FRMD4A: variants seen among roughly 807,000 people sequenced by gnomAD.
The protein encoded by FRMD4A is FERM domain containing 4A.
In FRMD4A, 29 loss-of-function variants were observed where a neutral mutation model predicts 129.1. The ratio of observed to expected loss-of-function variants is 0.22; its 90% CI spans 0.17 to 0.31. The LOEUF is 0.31. FRMD4A is among the 10% of genes least tolerant of loss of function. The pLI is 1.00. For missense variants in FRMD4A, 1,272 were observed against 1,375.8 expected, an observed-to-expected ratio of 0.92 and a Z score of 1.19; for synonymous variants, 634 against 571.6, an observed-to-expected ratio of 1.11 and a Z score of -1.56.
intron 2 of FRMD4A, among the ~76,000 whole-genome samples, chr10:14,080,186 C>T (rs1246364317): frequency 6.6e-6 from 1 of 152,206 alleles, no homozygotes; most frequent in East Asian, 1.9e-4. Context: ...GCCCCAGCTA[C>T]TGGGCTTGTC....
intron 2 of FRMD4A, among the ~76,000 whole-genome samples, chr10:13,986,794 G>A (rs965324944): frequency 6.6e-6 from 1 of 151,938 alleles, no homozygotes; most frequent in Non-Finnish European, 1.5e-5. Context: ...AAGCATCTCA[G>A]GGTTTCTAGG....
rs75453310 is a variant in FRMD4A at position 13,651,803 on chromosome 10, C to T, written c.*2+100G>A. On this transcript the variant is annotated intron_variant, in intron 24 of 24. Coordinates refer to ENST00000357447, the MANE Select transcript of FRMD4A (RefSeq NM_018027.5). The stretch of plus-strand genomic sequence containing the variant: ...ATCTAGAAATAAGGCATAAATACAG[C>T]ATTCAGATGTATCCTTGTGGAAATG... 1.7e-3 allele frequency: 1,226 copies of T among 737,286 alleles called. 21 individuals are homozygous for T. The African/African-American group carries it at 0.018, about 11-fold the overall frequency. 45.7% of individuals were successfully genotyped at this position (737,286 alleles called of 1,614,324 possible).
intron 18 of FRMD4A, among the ~76,000 whole-genome samples, chr10:13,665,281 CA>C (rs1397929748): frequency 3.9e-5 from 6 of 152,016 alleles, no homozygotes; most frequent in Non-Finnish European, 8.8e-5. Flanking sequence ...TTCATGTTTC[CA>C]GACTGAAACT....
At chr10:13,814,487 C>A (rs533898629) in intron 3 of FRMD4A, among the ~76,000 whole-genome samples, 2 of 143,506 alleles carry the variant, frequency 1.4e-5, no homozygotes, top group Non-Finnish European at 3.0e-5. Flanking sequence ...AAGCTCAGAC[C>A]GGAGGATTGC....
chr10:14,214,029 C>T (rs753530750), intron 2 of FRMD4A, among the ~76,000 whole-genome samples: 4 of 152,254 alleles, frequency 2.6e-5, no homozygotes, highest in Admixed American at 2.0e-4. Context: ...AGTTCCCCTG[C>T]ACAAGCTCTC....
At chr10:14,000,841 G>A (rs1192664601) in intron 2 of FRMD4A, among the ~76,000 whole-genome samples, 2 of 152,112 alleles carry the variant, frequency 1.3e-5, no homozygotes, top group South Asian at 4.2e-4. Context: ...TAGCCTGGAA[G>A]GAAGTCATGC....
chr10:13,715,558 GAATT>G (rs1342435847), intron 12 of FRMD4A, among the ~76,000 whole-genome samples: 1 of 152,136 alleles, frequency 6.6e-6, no homozygotes, highest in African/African-American at 2.4e-5. Context: ...CTGTACTAAT[GAATT>G]AATATATGTT....
At chr10:14,114,284 C>A (rs930286638) in intron 2 of FRMD4A, among the ~76,000 whole-genome samples, 1 of 152,126 alleles carries the variant, frequency 6.6e-6, no homozygotes, top group Admixed American at 6.6e-5. Flanking sequence ...GGTCCTACTT[C>A]GGAGACACAG....
chr10:14,264,101 C>T (rs528283582), intron 2 of FRMD4A, among the ~76,000 whole-genome samples: 3 of 152,268 alleles, frequency 2.0e-5, no homozygotes, highest in South Asian at 4.2e-4. Flanking sequence ...TTTTCACCTG[C>T]CAAGCGCTTT....
chr10:14,188,455 C>T (rs1453457938), intron 2 of FRMD4A, among the ~76,000 whole-genome samples: 1 of 152,214 alleles, frequency 6.6e-6, no homozygotes, highest in African/African-American at 2.4e-5. Context: ...TTGCCTCCCG[C>T]CTGCCAAACT....
At chr10:13,916,085 G>C (rs999039709) in intron 2 of FRMD4A, among the ~76,000 whole-genome samples, 6 of 152,216 alleles carry the variant, frequency 3.9e-5, no homozygotes, top group Non-Finnish European at 8.8e-5. Flanking sequence ...AGGTCAACTG[G>C]AACTGCAAAA....
At chr10:13,826,370 G>A (rs1262727670) in intron 3 of FRMD4A, among the ~76,000 whole-genome samples, 1 of 152,086 alleles carries the variant, frequency 6.6e-6, no homozygotes, top group African/African-American at 2.4e-5. Flanking sequence ...ACTTATTTGA[G>A]CAGCCTTGCC....
chr10:14,304,805 C>A (rs530831999), intron 2 of FRMD4A, among the ~76,000 whole-genome samples: 2 of 152,288 alleles, frequency 1.3e-5, no homozygotes, highest in African/African-American at 2.4e-5. Context: ...GAATGAATGG[C>A]CCCAGAACTC....
At chr10:13,706,006 C>A (rs563389137) in intron 13 of FRMD4A, among the ~76,000 whole-genome samples, 1 of 152,112 alleles carries the variant, frequency 6.6e-6, no homozygotes. Flanking sequence ...TCTCACTGGG[C>A]GGGGTAACTC....
At chr10:14,099,902 A>G (rs1837207623) in intron 2 of FRMD4A, among the ~76,000 whole-genome samples, 2 of 152,272 alleles carry the variant, frequency 1.3e-5, no homozygotes, top group South Asian at 2.1e-4. Flanking sequence ...GCTGGAGCCT[A>G]GTTTGACCCA....
chr10:14,276,836 C>T (rs1845358544), intron 2 of FRMD4A, among the ~76,000 whole-genome samples: 1 of 152,156 alleles, frequency 6.6e-6, no homozygotes, highest in Admixed American at 6.5e-5. Flanking sequence ...ATGGTCTAAA[C>T]TTCGGGCTGG....
intron 14 of FRMD4A, among the ~76,000 whole-genome samples, chr10:13,695,838 G>C (rs1264877470): frequency 6.6e-6 from 1 of 152,186 alleles, no homozygotes; most frequent in East Asian, 1.9e-4. Flanking sequence ...TACCTTCCGT[G>C]CCTGGGGGCC....
In FRMD4A at chr10:13,958,688, C is replaced by A. The variant is rs183701703; in HGVS notation, c.46-99776G>T. 2.0e-3 allele frequency among the ~76,000 whole-genome samples: 307 copies of A among 151,850 alleles called. 1 individual carries two copies. The highest frequency in any genetic ancestry group is 6.9e-3 in the Middle Eastern group (2 of 290). ...GCAACCTCCGCCTCCCAGGTTTAAGCGATTCTCCTGCCTCAGCCTCCCGAG... is the reference window on the plus strand; with the variant it reads ...GCAACCTCCGCCTCCCAGGTTTAAGAGATTCTCCTGCCTCAGCCTCCCGAG... On this transcript the variant is annotated intron_variant, in intron 2 of 24. Transcript: ENST00000357447.
chr10:14,028,785 G>T (rs1833099264), intron 2 of FRMD4A, among the ~76,000 whole-genome samples: 1 of 152,182 alleles, frequency 6.6e-6, no homozygotes, highest in Non-Finnish European at 1.5e-5. Flanking sequence ...GTTGGGATTT[G>T]CAGCACTAAG....
Sources: gnomAD v4.1 joint callset for allele counts (sites outside exome capture counted in the v4.1 genomes callset) on GRCh38, gnomAD v4.1.1 for gene constraint, MANE v1.5 for transcripts, NCBI Gene and HGNC (gene_info 2026-07-23, HGNC 2026-07-21) for gene names.